Variants in RGS6 observed in about 807,000 individuals in gnomAD.
RGS6 encodes the protein regulator of G protein signaling 6.
A neutral mutation model predicts 78.5 loss-of-function variants in RGS6; 30 were observed. The ratio of observed to expected loss-of-function variants is 0.38; its 90% CI spans 0.29 to 0.52. RGS6 has a LOEUF of 0.52. Ranked by LOEUF, RGS6 falls within the 20% of genes least tolerant of loss-of-function variation. RGS6 has a pLI of 0.85. For synonymous variants in RGS6, 206 were observed against 206.0 expected, an observed-to-expected ratio of 1.00 and a Z score of 0.00; for missense variants, 495 against 609.7, an observed-to-expected ratio of 0.81 and a Z score of 1.98.
At chr14:72,606,712 T>C in the RGS6 span, among the ~76,000 whole-genome samples, 1 of 152,218 alleles carries the variant, frequency 6.6e-6, no homozygotes, top group Non-Finnish European at 1.5e-5. Context: ...TGATCCCCAG[T>C]GTTGGAGGTG....
intron 2 of RGS6, among the ~76,000 whole-genome samples, chr14:72,165,304 G>A (rs546353455): frequency 1.3e-5 from 2 of 152,346 alleles, no homozygotes; most frequent in East Asian, 1.9e-4. Flanking sequence ...TACCCAACAG[G>A]TGGATTTGCT....
At chr14:71,868,820 C>A in the RGS6 span, among the ~76,000 whole-genome samples, 1 of 152,156 alleles carries the variant, frequency 6.6e-6, no homozygotes, top group African/African-American at 2.4e-5. Context: ...CCGGGGCATT[C>A]CTAATGATGG....
intron 2 of RGS6, among the ~76,000 whole-genome samples, chr14:72,327,834 C>T (rs1323466009): frequency 6.6e-6 from 1 of 152,172 alleles, no homozygotes; most frequent in Non-Finnish European, 1.5e-5. Context: ...TATTTAATAG[C>T]TCACAGAGGT....
At chr14:72,317,231 G>T (rs543900230) in intron 2 of RGS6, among the ~76,000 whole-genome samples, 1 of 151,974 alleles carries the variant, frequency 6.6e-6, no homozygotes, top group Non-Finnish European at 1.5e-5. Flanking sequence ...GCACTCAGTG[G>T]TATTGCTGCC....
In RGS6 at chr14:72,219,818, G is replaced by A. The variant is rs770117281; in HGVS notation, c.85-132277G>A. On this transcript the variant is annotated intron_variant, in intron 2 of 17. Coordinates refer to ENST00000553525, the MANE Select transcript of RGS6 (RefSeq NM_001204424.2). ...CAATATTTTTATTGTTACATATTTTGCATTAAAATCTTGACTCCATCCAGA... is the reference window on the plus strand; with the variant it reads ...CAATATTTTTATTGTTACATATTTTACATTAAAATCTTGACTCCATCCAGA... Among the ~76,000 whole-genome samples, 6 of 152,064 alleles carry A rather than the reference G, an allele frequency of 3.9e-5. No individual in the cohort carries two copies. In the Middle Eastern group the frequency reaches 0.01, roughly 259 times the overall value.
chr14:72,437,676 A>G (rs1046579848), intron 3 of RGS6, among the ~76,000 whole-genome samples: 15 of 152,172 alleles, frequency 9.9e-5, no homozygotes, highest in Admixed American at 7.2e-4. Flanking sequence ...GTGTTCTCTG[A>G]ACAGAAGACC....
chr14:71,894,058 T>C, the RGS6 span, among the ~76,000 whole-genome samples: 8 of 152,170 alleles, frequency 5.3e-5, no homozygotes, highest in Admixed American at 1.3e-4. Context: ...CTTTGACCCA[T>C]AGGTAATTTT....
At chr14:72,079,244 ATAT>A (rs1597218274) in intron 2 of RGS6, among the ~76,000 whole-genome samples, 2 of 151,838 alleles carry the variant, frequency 1.3e-5, no homozygotes, top group South Asian at 4.2e-4. Flanking sequence ...TACTTTTAAG[ATAT>A]TATTAAATTT....
At chr14:72,145,603 C>T (rs1354068666) in intron 2 of RGS6, among the ~76,000 whole-genome samples, 1 of 152,160 alleles carries the variant, frequency 6.6e-6, no homozygotes, top group South Asian at 2.1e-4. Context: ...CTCAGCCTCC[C>T]AAGTAGGTAG....
the RGS6 span, among the ~76,000 whole-genome samples, chr14:72,602,050 CG>C: frequency 6.6e-6 from 1 of 152,202 alleles, no homozygotes; most frequent in South Asian, 2.1e-4. Context: ...GTACCAGATA[CG>C]GGGCCAAGGG....
chr14:72,334,562 G>C (rs1441483359), intron 2 of RGS6, among the ~76,000 whole-genome samples: 1 of 152,176 alleles, frequency 6.6e-6, no homozygotes, highest in Non-Finnish European at 1.5e-5. Flanking sequence ...ACCCACAGAG[G>C]CACTCAGAAT....
intron 2 of RGS6, among the ~76,000 whole-genome samples, chr14:72,200,219 A>G (rs2238242): frequency 0.39 from 59,122 of 152,026 alleles, 11,708 homozygotes; most frequent in South Asian, 0.53. Context: ...ATAGGATGCT[A>G]GAAGCTAGCA....
the RGS6 span, among the ~76,000 whole-genome samples, chr14:72,596,962 G>A: frequency 6.6e-6 from 1 of 152,218 alleles, no homozygotes; most frequent in South Asian, 2.1e-4. Flanking sequence ...ACAGAGGCCA[G>A]GCACGGTGGC....
chr14:72,579,329 C>T, the RGS6 span, among the ~76,000 whole-genome samples: 8 of 152,306 alleles, frequency 5.3e-5, no homozygotes, highest in East Asian at 1.5e-3. Context: ...GCCACACGTA[C>T]CATCTTTAGT....
intron 2 of RGS6, among the ~76,000 whole-genome samples, chr14:72,168,821 C>T (rs540667987): frequency 6.6e-6 from 1 of 152,204 alleles, no homozygotes; most frequent in South Asian, 2.1e-4. Context: ...AGAGCAGAGC[C>T]CTCTAAAGCG....
intron 3 of RGS6, among the ~76,000 whole-genome samples, chr14:72,368,972 C>T (rs1209490108): frequency 1.3e-5 from 2 of 152,114 alleles, no homozygotes; most frequent in South Asian, 4.2e-4. Flanking sequence ...CCCTGGGCCA[C>T]ACTGGAAGAA....
the RGS6 span, chr14:72,594,921 C>T: frequency 6.6e-6 from 1 of 152,146 alleles, no homozygotes; most frequent in Non-Finnish European, 1.5e-5. Context: ...CCTTTTCATC[C>T]TGAAGGCCTA....
chr14:72,364,911 C>G lies in RGS6; in HGVS notation c.184+12717C>G, dbSNP rs544426312. The stretch of plus-strand genomic sequence containing the variant: ...TCAGAAGCTCTGGGAAGCTGCTTGT[C>G]ACCACTTTCTCAGCAACACAGTGAA... On this transcript the variant is annotated intron_variant, in intron 3 of 17. Transcript: ENST00000553525. 2.0e-5 allele frequency among the ~76,000 whole-genome samples: 3 copies of G among 152,302 alleles called. No individual in the cohort carries two copies. In the South Asian group the frequency reaches 6.2e-4, roughly 32 times the overall value.
chr14:72,309,062 C>A (rs1011645481), intron 2 of RGS6, among the ~76,000 whole-genome samples: 1 of 152,150 alleles, frequency 6.6e-6, no homozygotes, highest in African/African-American at 2.4e-5. Flanking sequence ...TTTTAAATTC[C>A]TATTTTTAGC....
Sources: gnomAD v4.1 joint callset for allele counts (sites outside exome capture counted in the v4.1 genomes callset) on GRCh38, gnomAD v4.1.1 for gene constraint, MANE v1.5 for transcripts, NCBI Gene and HGNC (gene_info 2026-07-23, HGNC 2026-07-21) for gene names.